The following FRMPD3 variants were observed in gnomAD, a reference collection of about 807,000 sequenced individuals.
The protein encoded by FRMPD3 is FERM and PDZ domain containing 3.
Under a neutral mutation model 97.9 loss-of-function variants are expected in FRMPD3, and 42 were observed. The ratio of observed to expected loss-of-function variants is 0.43; its 90% CI spans 0.34 to 0.55. The LOEUF (loss-of-function observed/expected upper bound fraction) is 0.55. Among genes scored for constraint, FRMPD3 ranks in the 20% least tolerant of loss-of-function variants. FRMPD3 has a pLI of 0.03. For synonymous variants in FRMPD3, 577 were observed against 581.1 expected (o/e 0.99, Z 0.10); for missense variants, 1,303 against 1,457.7 (o/e 0.89, Z 1.73).
intron 1 of FRMPD3, among the ~76,000 whole-genome samples, chrX:107,487,441 G>A (rs1440653617): frequency 9.0e-6 from 1 of 110,997 alleles, no homozygotes; most frequent in Non-Finnish European, 1.9e-5. Flanking sequence ...GAAGTCAGAG[G>A]TGAATGGCAT....
At chrX:107,521,755 C>T (rs1199866968) in intron 1 of FRMPD3, among the ~76,000 whole-genome samples, 1 of 112,034 alleles carries the variant, frequency 8.9e-6, no homozygotes, top group East Asian at 2.8e-4. Context: ...GTTCCAAATC[C>T]TGCCAGTCTT....
chrX:107,572,508 C>T (rs968501717), intron 12 of FRMPD3, among the ~76,000 whole-genome samples: 3 of 111,442 alleles, frequency 2.7e-5, no homozygotes, highest in African/African-American at 6.5e-5. Context: ...GAGCCTGAGA[C>T]GGGTGGATCA....
intron 6 of FRMPD3, among the ~76,000 whole-genome samples, chrX:107,551,021 A>G (rs926146175): frequency 8.9e-6 from 1 of 112,164 alleles, no homozygotes; most frequent in African/African-American, 3.2e-5. Flanking sequence ...AAGAGGAGTT[A>G]TCAGGTACTC....
chrX:107,522,253 A>G (rs1299875807), intron 1 of FRMPD3, among the ~76,000 whole-genome samples: 1 of 111,951 alleles, frequency 8.9e-6, no homozygotes, highest in African/African-American at 3.2e-5. Flanking sequence ...GAATAATGCT[A>G]TCAATAACAT....
chrX:107,582,722 A>G (rs1007962030), intron 13 of FRMPD3, among the ~76,000 whole-genome samples: 13 of 112,513 alleles, frequency 1.2e-4, no homozygotes, highest in Non-Finnish European at 2.4e-4. Context: ...GCCTTGATCT[A>G]TACGTCTATC....
At chrX:107,450,098 G>A (rs1250879914) in intron 1 of FRMPD3, among the ~76,000 whole-genome samples, 93 bp downstream of exon 1, 1 of 110,544 alleles carries the variant, frequency 9.0e-6, no homozygotes, top group Admixed American at 9.3e-5. Flanking sequence ...CGGGCCGGCT[G>A]GGGGGCGACT....
chrX:107,583,504 T>C (rs1452179336), intron 13 of FRMPD3, among the ~76,000 whole-genome samples: 3 of 112,074 alleles, frequency 2.7e-5, no homozygotes, highest in Non-Finnish European at 5.6e-5. Flanking sequence ...GGCATTTGGG[T>C]TGGTTCCATG....
At chrX:107,573,611 A>G (rs1046990916) in intron 12 of FRMPD3, among the ~76,000 whole-genome samples, 6 of 112,029 alleles carry the variant, frequency 5.4e-5, no homozygotes, top group African/African-American at 1.9e-4. Flanking sequence ...ACTGGAAAAA[A>G]AAGCCATTGC....
At chrX:107,527,613 C>A (rs1289459920) in intron 2 of FRMPD3, among the ~76,000 whole-genome samples, 2 of 112,197 alleles carry the variant, frequency 1.8e-5, no homozygotes, top group African/African-American at 6.5e-5. Flanking sequence ...TGTTTTGTTT[C>A]GAATCTGCTA....
chrX:107,449,752 C>T lies in FRMPD3; in HGVS notation c.-261C>T, dbSNP rs1931238837. The stretch of plus-strand genomic sequence containing the variant: ...GGAGCCCGCGCGCGCTCCTGCCATC[C>T]TGCCCGCAGCCCGCCGCCTGCGCGC... On this transcript the variant is annotated 5_prime_UTR_variant, in exon 1 of 15. Coordinates refer to ENST00000683843, the MANE Select transcript of FRMPD3 (RefSeq NM_001388459.1). 9.1e-6 allele frequency among the ~76,000 whole-genome samples: 1 copy of T among 109,355 alleles called. No individual in the cohort carries two copies. The highest frequency in any genetic ancestry group is 3.8e-4 in the South Asian group (1 of 2,613). The allele number at this position is 109,355 out of a possible 115,157, so 95.0% of individuals were successfully genotyped here.
intron 1 of FRMPD3, among the ~76,000 whole-genome samples, chrX:107,525,412 C>T (rs1489964133): frequency 8.9e-6 from 1 of 112,626 alleles, no homozygotes; most frequent in Admixed American, 9.4e-5. Context: ...TTGAATACTA[C>T]ACTCAGACCC....
intron 1 of FRMPD3, among the ~76,000 whole-genome samples, chrX:107,525,396 CTTTG>C (rs1198887288): frequency 1.8e-5 from 2 of 112,363 alleles, no homozygotes; most frequent in African/African-American, 6.5e-5. Context: ...CTTCAGTGCT[CTTTG>C]TTTGAATACT....
chrX:107,532,140 G>A (rs191391676), intron 3 of FRMPD3, among the ~76,000 whole-genome samples: 2 of 113,071 alleles, frequency 1.8e-5, no homozygotes, highest in East Asian at 5.5e-4. Context: ...CATATTAGAA[G>A]CTGATAAATG....
chrX:107,526,854 A>G, intron 2 of FRMPD3, 118 bp downstream of exon 2: 1 of 798,655 alleles, frequency 1.3e-6, no homozygotes, highest in East Asian at 3.3e-5. Flanking sequence ...ATTCATGAAG[A>G]CTGGTTGAAG....
intron 1 of FRMPD3, among the ~76,000 whole-genome samples, chrX:107,455,036 A>G: frequency 9.0e-6 from 1 of 111,671 alleles, no homozygotes; most frequent in East Asian, 2.8e-4. Flanking sequence ...TTCTTACCCC[A>G]GGATCTCCTA....
At chrX:107,490,633 C>G (rs149343759) in intron 1 of FRMPD3, among the ~76,000 whole-genome samples, 3,434 of 111,480 alleles carry the variant, frequency 0.031, 133 homozygotes, top group African/African-American at 0.11. Flanking sequence ...ATTTGGCTCT[C>G]TGTTTGTCTG....
chrX:107,531,354 C>A (rs1234307654), intron 3 of FRMPD3, among the ~76,000 whole-genome samples: 1 of 108,937 alleles, frequency 9.2e-6, no homozygotes, highest in African/African-American at 3.3e-5. Context: ...CTCTCTCTCT[C>A]TCTCTCTCTC....
At chrX:107,454,800 G>C (rs1255309567) in intron 1 of FRMPD3, among the ~76,000 whole-genome samples, 7 of 111,566 alleles carry the variant, frequency 6.3e-5, no homozygotes, top group African/African-American at 2.3e-4. Context: ...TATTTCTCAT[G>C]CTTGGTCCAC....
intron 1 of FRMPD3, among the ~76,000 whole-genome samples, chrX:107,506,895 C>T (rs1259785659): frequency 8.9e-6 from 1 of 112,067 alleles, no homozygotes; most frequent in African/African-American, 3.2e-5. Flanking sequence ...GACACCGCTG[C>T]TGCTACCTTG....
Sources: allele counts gnomAD v4.1 joint callset (sites outside exome capture counted in the v4.1 genomes callset), GRCh38; gene constraint gnomAD v4.1.1; transcripts MANE v1.5; gene names NCBI Gene and HGNC (gene_info 2026-07-23, HGNC 2026-07-21).